The following KCNIP1 variants were observed in gnomAD, a reference collection of about 807,000 sequenced individuals.
KCNIP1 encodes A-type potassium channel modulatory protein KCNIP1.
Under a neutral mutation model 33.0 loss-of-function variants are expected in KCNIP1, and 18 were observed. That is an observed-to-expected ratio of 0.55 (90% CI 0.38 to 0.81). The LOEUF is 0.81. Ranked by LOEUF, KCNIP1 falls within the 30% of genes least tolerant of loss-of-function variation. The pLI, the probability that KCNIP1 is intolerant of heterozygous loss-of-function variation, is 0.00. For synonymous variants in KCNIP1, 93 were observed against 98.3 expected (o/e 0.95, Z 0.32); for missense variants, 238 against 271.6 (o/e 0.88, Z 0.87).
chr5:170,736,037 T>C lies in KCNIP1; in HGVS notation c.*231T>C, dbSNP rs963798786. On this transcript the variant is annotated 3_prime_UTR_variant, in exon 8 of 8. Coordinates refer to ENST00000328939, the MANE Select transcript of KCNIP1 (RefSeq NM_014592.4). ...CTTCTTGAGAGAGACAAGATGAAATTTGAGTTTGTTTTGGAAGCATGCTCA... is the reference window on the plus strand; with the variant it reads ...CTTCTTGAGAGAGACAAGATGAAATCTGAGTTTGTTTTGGAAGCATGCTCA... The C allele has an allele frequency of 9.1e-5, 50 of 552,014 alleles. No homozygotes were observed. The highest frequency in any genetic ancestry group is 4.6e-4 in the Middle Eastern group (1 of 2,164). The allele number at this position is 552,014 out of a possible 1,614,324, so 34.2% of individuals were successfully genotyped here.
At chr5:170,589,059 C>T (rs565761332) in intron 1 of KCNIP1, among the ~76,000 whole-genome samples, 70 of 138,882 alleles carry the variant, frequency 5.0e-4, no homozygotes, top group African/African-American at 1.8e-3. Context: ...AGTGCAGTGG[C>T]GCGATCTCGG....
intron 1 of KCNIP1, among the ~76,000 whole-genome samples, chr5:170,661,781 CAA>C (rs1554108808): frequency 2.6e-5 from 4 of 152,184 alleles, no homozygotes; most frequent in Non-Finnish European, 5.9e-5. Context: ...TTTGAACCGG[CAA>C]ATATATATTA....
At chr5:170,362,043 T>C (rs1468255034) in intron 1 of KCNIP1, among the ~76,000 whole-genome samples, 2 of 152,228 alleles carry the variant, frequency 1.3e-5, no homozygotes, top group Non-Finnish European at 2.9e-5. Context: ...AATTTAAAGA[T>C]TAAACAAAAT....
At chr5:170,671,881 G>T (rs555420162) in intron 1 of KCNIP1, among the ~76,000 whole-genome samples, 1 of 152,260 alleles carries the variant, frequency 6.6e-6, no homozygotes, top group East Asian at 1.9e-4. Context: ...AGCTTAGATG[G>T]TAAACTACAG....
chr5:170,712,974 C>A, intron 1 of KCNIP1: 1 of 1,036,472 alleles, frequency 9.6e-7, no homozygotes, highest in Non-Finnish European at 1.5e-6. Flanking sequence ...TGTAATTAGT[C>A]TTCTCATGCA....
Position 170,458,335 on chromosome 5 carries a change from G to A in KCNIP1, c.88+104371G>A, listed in dbSNP as rs184267867. On this transcript the variant is annotated intron_variant, in intron 1 of 7. Coordinates refer to the KCNIP1 transcript ENST00000377360. ...TAGAGCCCTAGACATCCAAATACAA[G>A]AGGCTCAAAGAACACCTGGGAAATT... Among the ~76,000 whole-genome samples the A allele has an allele frequency of 1.5e-4, 23 of 152,296 alleles. 1 individual carries two copies. Among genetic ancestry groups the A allele is most frequent in the African/African-American group, 4.6e-4 (19 of 41,564 alleles).
At chr5:170,712,515 G>T (rs1026736472) in intron 1 of KCNIP1, among the ~76,000 whole-genome samples, 3 of 152,228 alleles carry the variant, frequency 2.0e-5, no homozygotes, top group African/African-American at 7.2e-5. Context: ...CCTCTCCTCA[G>T]TCAAACATGC....
intron 1 of KCNIP1, among the ~76,000 whole-genome samples, chr5:170,580,489 A>G (rs1430784783): frequency 2.6e-5 from 4 of 152,104 alleles, no homozygotes; most frequent in African/African-American, 9.7e-5. Context: ...TGAGGCCCCC[A>G]AGTCGGTAGA....
chr5:170,473,499 C>G (rs1756782480), intron 1 of KCNIP1, among the ~76,000 whole-genome samples: 1 of 152,090 alleles, frequency 6.6e-6, no homozygotes, highest in Non-Finnish European at 1.5e-5. Flanking sequence ...ACCTTCTTAC[C>G]AATAAAGTCA....
At chr5:170,725,978 A>G (rs1333993597) in intron 5 of KCNIP1, among the ~76,000 whole-genome samples, 2 of 152,222 alleles carry the variant, frequency 1.3e-5, no homozygotes, top group African/African-American at 4.8e-5. Context: ...ATAAACATCA[A>G]CTTGGAATGG....
chr5:170,677,883 A>G (rs1427171974), intron 1 of KCNIP1, among the ~76,000 whole-genome samples: 2 of 152,258 alleles, frequency 1.3e-5, no homozygotes, highest in African/African-American at 4.8e-5. Flanking sequence ...AACAATGTGA[A>G]GATTCTTGGC....
intron 1 of KCNIP1, among the ~76,000 whole-genome samples, chr5:170,390,304 G>C (rs542223737): frequency 2.0e-5 from 3 of 151,830 alleles, no homozygotes; most frequent in Non-Finnish European, 2.9e-5. Flanking sequence ...CCAGGAGTTT[G>C]AGACCATCCT....
chr5:170,386,057 C>T (rs1489163536), intron 1 of KCNIP1, among the ~76,000 whole-genome samples: 2 of 150,604 alleles, frequency 1.3e-5, no homozygotes, highest in Non-Finnish European at 2.9e-5. Flanking sequence ...ACCCAGGAGG[C>T]GGAGCTTGCA....
intron 1 of KCNIP1, among the ~76,000 whole-genome samples, chr5:170,450,746 G>A (rs763073657): frequency 1.2e-4 from 18 of 152,094 alleles, no homozygotes; most frequent in Non-Finnish European, 1.9e-4. Flanking sequence ...AACTTCTATC[G>A]GTTTTCAGAA....
chr5:170,473,387 T>G (rs549955530), intron 1 of KCNIP1, among the ~76,000 whole-genome samples: 1 of 152,320 alleles, frequency 6.6e-6, no homozygotes, highest in East Asian at 1.9e-4. Context: ...CATTTTATAG[T>G]TGAGAAAACT....
At chr5:170,602,882 G>C (rs943001908) in intron 1 of KCNIP1, among the ~76,000 whole-genome samples, 3 of 152,194 alleles carry the variant, frequency 2.0e-5, no homozygotes, top group Non-Finnish European at 4.4e-5. Context: ...TGAGCTTTCT[G>C]ATTCCACTGC....
chr5:170,649,934 T>C (rs918044610), intron 1 of KCNIP1, among the ~76,000 whole-genome samples: 6 of 151,436 alleles, frequency 4.0e-5, no homozygotes, highest in African/African-American at 1.5e-4. Flanking sequence ...CAAAAAGAAG[T>C]TGGGGGTAAG....
At chr5:170,502,253 T>C (rs1004587581), upstream of KCNIP1, among the ~76,000 whole-genome samples, 3 of 152,254 alleles carry the variant, frequency 2.0e-5, no homozygotes, top group African/African-American at 7.2e-5. Flanking sequence ...AAAGGAAGTA[T>C]GTTAGTAAGT....
At chr5:170,415,427 T>C (rs1009982736) in intron 1 of KCNIP1, among the ~76,000 whole-genome samples, 5 of 152,124 alleles carry the variant, frequency 3.3e-5, no homozygotes, top group African/African-American at 9.7e-5. Flanking sequence ...CCCTGGCCTC[T>C]ACCTACTGGA....
Sources: allele counts gnomAD v4.1 joint callset (sites outside exome capture counted in the v4.1 genomes callset), GRCh38; gene constraint gnomAD v4.1.1; transcripts MANE v1.5; gene names NCBI Gene and HGNC (gene_info 2026-07-23, HGNC 2026-07-21).